The following COX7B2 variants were observed in gnomAD, a reference collection of about 807,000 sequenced individuals.
COX7B2 encodes the protein cytochrome c oxidase subunit 7B2, mitochondrial.
For missense variants in COX7B2, 109 were observed against 95.9 expected (o/e 1.14, Z -0.57); for synonymous variants, 37 against 32.1 (o/e 1.15, Z -0.51).
chr4:46,832,700 T>TGA (rs1271680332), intron 2 of COX7B2, among the ~76,000 whole-genome samples: 1 of 152,100 alleles, frequency 6.6e-6, no homozygotes, highest in African/African-American at 2.4e-5. Flanking sequence ...CTCTTGATGA[T>TGA]GAGAGGATTC....
chr4:46,808,082 G>T (rs1405173903), intron 2 of COX7B2, among the ~76,000 whole-genome samples: 1 of 151,708 alleles, frequency 6.6e-6, no homozygotes, highest in African/African-American at 2.4e-5. Context: ...ATTTTGATAT[G>T]GATTGTGTTA....
At chr4:46,829,359 T>C (rs1393642365) in intron 2 of COX7B2, among the ~76,000 whole-genome samples, 1 of 152,208 alleles carries the variant, frequency 6.6e-6, no homozygotes, top group East Asian at 1.9e-4. Flanking sequence ...ATTGAGGATC[T>C]ATTTTCTAAT....
At chr4:46,828,007 C>T (rs150425951) in intron 2 of COX7B2, among the ~76,000 whole-genome samples, 623 of 152,102 alleles carry the variant, frequency 4.1e-3, no homozygotes, top group African/African-American at 0.013. Context: ...ATGTTGTTTG[C>T]GGTGGAGGGC....
chr4:46,746,136 C>G (rs1009900632), intron 2 of COX7B2, among the ~76,000 whole-genome samples: 3 of 152,104 alleles, frequency 2.0e-5, no homozygotes, highest in Non-Finnish European at 2.9e-5. Context: ...ACCATCAGAT[C>G]TGAAAGACCT....
chr4:46,879,932 A>G (rs1718607160), intron 1 of COX7B2, among the ~76,000 whole-genome samples: 2 of 152,156 alleles, frequency 1.3e-5, no homozygotes, highest in African/African-American at 2.4e-5. Context: ...GAGAGATACA[A>G]TTACATGAGT....
At chr4:46,771,612 A>G (rs1716883942) in intron 2 of COX7B2, among the ~76,000 whole-genome samples, 1 of 151,892 alleles carries the variant, frequency 6.6e-6, no homozygotes, top group Non-Finnish European at 1.5e-5. Flanking sequence ...AAAATCTGAA[A>G]CTCAAAATTC....
At chr4:46,790,077 G>C (rs1244554361) in intron 2 of COX7B2, among the ~76,000 whole-genome samples, 1 of 151,470 alleles carries the variant, frequency 6.6e-6, no homozygotes, top group South Asian at 2.1e-4. Flanking sequence ...TATGTGAAAA[G>C]GTACTACTCT....
chr4:46,792,703 A>G (rs1288204684), intron 2 of COX7B2, among the ~76,000 whole-genome samples: 2 of 152,180 alleles, frequency 1.3e-5, no homozygotes, highest in East Asian at 1.9e-4. Context: ...ACAATTCCTT[A>G]TAACACATCC....
chr4:46,804,933 G>C (rs553438628), intron 2 of COX7B2, among the ~76,000 whole-genome samples: 30 of 152,306 alleles, frequency 2.0e-4, no homozygotes, highest in African/African-American at 4.3e-4. Context: ...GCCAGGGTAG[G>C]GGGGGCGGTG....
chr4:46,819,703 A>C (rs2109688909), intron 2 of COX7B2, among the ~76,000 whole-genome samples: 1 of 152,378 alleles, frequency 6.6e-6, no homozygotes, highest in Admixed American at 6.5e-5. Context: ...TTTGTGTTAA[A>C]GTAAAACAGT....
intron 2 of COX7B2, among the ~76,000 whole-genome samples, chr4:46,834,509 G>C (rs1362330893): frequency 2.0e-5 from 3 of 151,934 alleles, no homozygotes; most frequent in African/African-American, 7.3e-5. Flanking sequence ...GCAAATTCAC[G>C]TAAAAAAATG....
intron 2 of COX7B2, among the ~76,000 whole-genome samples, chr4:46,775,847 G>A (rs557739276): frequency 1.8e-4 from 28 of 152,202 alleles, no homozygotes; most frequent in African/African-American, 4.3e-4. Flanking sequence ...TAGTGAGATC[G>A]CTGTTATCTG....
At chr4:46,819,585 T>C (rs1201215633) in intron 2 of COX7B2, among the ~76,000 whole-genome samples, 1 of 152,006 alleles carries the variant, frequency 6.6e-6, no homozygotes, top group Non-Finnish European at 1.5e-5. Flanking sequence ...TCTCATTATG[T>C]TTTAAGAAAG....
At chr4:46,816,344 A>T (rs1331399878) in intron 2 of COX7B2, among the ~76,000 whole-genome samples, 1 of 151,878 alleles carries the variant, frequency 6.6e-6, no homozygotes, top group Non-Finnish European at 1.5e-5. Flanking sequence ...GCCTTGAATG[A>T]CCCCTCTTAA....
intron 1 of COX7B2, among the ~76,000 whole-genome samples, chr4:46,882,351 A>G (rs2109850472): frequency 6.6e-6 from 1 of 152,164 alleles, no homozygotes; most frequent in East Asian, 1.9e-4. Flanking sequence ...ATCTTTGTTA[A>G]TTTTCTGCCT....
chr4:46,896,113 C>T (rs150531927), intron 1 of COX7B2, among the ~76,000 whole-genome samples: 50 of 152,242 alleles, frequency 3.3e-4, no homozygotes, highest in African/African-American at 1.1e-3. Context: ...TGTCACTGGC[C>T]TCTTGTTATA....
intron 2 of COX7B2, among the ~76,000 whole-genome samples, chr4:46,763,024 T>C (rs1371693780): frequency 3.3e-5 from 4 of 122,008 alleles, no homozygotes; most frequent in Non-Finnish European, 5.1e-5. Flanking sequence ...TAATATATAA[T>C]ATAATATAAT....
chr4:46,832,311 AG>A (rs1363774350), intron 2 of COX7B2, among the ~76,000 whole-genome samples: 1 of 152,118 alleles, frequency 6.6e-6, no homozygotes, highest in Non-Finnish European at 1.5e-5. Flanking sequence ...GAACATCAGA[AG>A]GAACAAACTC....
At chr4:46,742,327 C>T (rs1199800843) in intron 2 of COX7B2, among the ~76,000 whole-genome samples, 1 of 151,720 alleles carries the variant, frequency 6.6e-6, no homozygotes, top group Non-Finnish European at 1.5e-5. Context: ...AAATAAGAAA[C>T]AATAAAAAAA....
Sources: allele counts gnomAD v4.1 joint callset (sites outside exome capture counted in the v4.1 genomes callset), GRCh38; gene constraint gnomAD v4.1.1; transcripts MANE v1.5; gene names NCBI Gene and HGNC (gene_info 2026-07-23, HGNC 2026-07-21).